The following FIGN variants were observed in gnomAD, a reference collection of about 807,000 sequenced individuals.
The protein encoded by FIGN is fidgetin.
Under a neutral mutation model 51.3 loss-of-function variants are expected in FIGN, and 11 were observed. The observed-to-expected ratio is 0.21, with a 90% confidence interval of 0.13 to 0.35. The LOEUF is 0.35. Ranked by LOEUF, FIGN falls within the 10% of genes least tolerant of loss-of-function variation. FIGN has a pLI of 1.00. For synonymous variants in FIGN, 407 were observed against 363.2 expected (o/e 1.12, Z -1.37); for missense variants, 857 against 943.6 (o/e 0.91, Z 1.20).
At chr2:163,731,866 C>T (rs988916273) in intron 2 of FIGN, among the ~76,000 whole-genome samples, 1 of 152,086 alleles carries the variant, frequency 6.6e-6, no homozygotes, top group Non-Finnish European at 1.5e-5. Context: ...CTTTATTACC[C>T]TGCTATGATT....
intron 2 of FIGN, among the ~76,000 whole-genome samples, chr2:163,626,837 G>T (rs1358459800): frequency 2.6e-5 from 4 of 152,142 alleles, no homozygotes; most frequent in Admixed American, 6.6e-5. Flanking sequence ...AACCGAGATA[G>T]TGACGAAAGT....
In FIGN at chr2:163,610,437, G is replaced by A. The variant is rs745572184; in HGVS notation, c.1395C>T (p.Asp465=). 6.2e-7 allele frequency: 1 copy of A among 1,614,144 alleles called. No individual in the cohort carries two copies. The highest frequency in any genetic ancestry group is 8.5e-7 in the Non-Finnish European group (1 of 1,180,036). Residue 465 remains aspartate, a synonymous_variant, in exon 3 of 3, where the codon GAC becomes GAT. Transcript: ENST00000333129. ...TGGTTACCAGGTCGATGAGGTGCGT[G>A]TCAGTATTCTTCAGTTGCTCGTCCA... ...HSVDEQLKNT[D]THLIDLVTNE...
At chr2:163,724,084 G>A (rs112362588) in intron 2 of FIGN, among the ~76,000 whole-genome samples, 17 of 152,156 alleles carry the variant, frequency 1.1e-4, no homozygotes, top group African/African-American at 2.2e-4. Context: ...AGTCATCATC[G>A]GATCACCTCA....
intron 2 of FIGN, among the ~76,000 whole-genome samples, chr2:163,659,350 C>T (rs910820175): frequency 6.6e-5 from 10 of 152,176 alleles, no homozygotes; most frequent in African/African-American, 2.4e-4. Flanking sequence ...ATATTCCTCT[C>T]AACTGCCAAC....
intron 2 of FIGN, among the ~76,000 whole-genome samples, chr2:163,683,364 T>G (rs190527643): frequency 2.5e-4 from 38 of 152,306 alleles, no homozygotes; most frequent in Middle Eastern, 3.4e-3. Context: ...AAATTGTTGT[T>G]TCAAAGATTG....
intron 2 of FIGN, among the ~76,000 whole-genome samples, chr2:163,719,480 G>A (rs2105361857): frequency 6.6e-6 from 1 of 152,256 alleles, no homozygotes; most frequent in Non-Finnish European, 1.5e-5. Context: ...ACAAAATGTT[G>A]GCTCCCTGTG....
At chr2:163,686,361 G>A (rs986101345) in intron 2 of FIGN, among the ~76,000 whole-genome samples, 1 of 152,164 alleles carries the variant, frequency 6.6e-6, no homozygotes, top group Admixed American at 6.5e-5. Flanking sequence ...TTGATTAAAT[G>A]TACACTTAAT....
intron 2 of FIGN, among the ~76,000 whole-genome samples, chr2:163,694,339 G>A (rs150188354): frequency 1.3e-5 from 2 of 152,256 alleles, no homozygotes; most frequent in Non-Finnish European, 2.9e-5. Context: ...TTTGGGAAAT[G>A]TGTACTATAA....
chr2:163,694,376 A>G lies in FIGN; in HGVS notation c.25+40527T>C, dbSNP rs529933740. ...CTCCTCTTCAATATTCATAATACCT[A>G]TTAGCATTCTAGGGGCTCTAAGAGG... On this transcript the variant is annotated intron_variant, in intron 2 of 2. Coordinates refer to ENST00000333129, the MANE Select transcript of FIGN (RefSeq NM_018086.4). Among the ~76,000 whole-genome samples, 4 of 152,306 alleles carry G rather than the reference A, an allele frequency of 2.6e-5. No homozygotes were observed. The East Asian group carries it at 7.7e-4, about 29-fold the overall frequency.
rs71297448 is a variant in FIGN, at chr2:163,629,952, C to CTTTTTTTTT, written c.26-18155_26-18147dup. 2.6e-4 allele frequency among the ~76,000 whole-genome samples: 15 copies of CTTTTTTTTT among 56,928 alleles called. 2 individuals carry two copies. The highest frequency in any genetic ancestry group is 1.0e-3 in the African/African-American group (14 of 13,352). 37.3% of individuals were successfully genotyped at this position (56,928 alleles called of 152,430 possible). A position where few individuals can be genotyped will look rare whatever the true frequency, so the allele number is the denominator to read the frequency against. ...CCAACATAGGGTGAAGAAAGGGGCACTTTTTTTTTTTTTTTTTTTTTTTTT... is the reference window on the plus strand; with the variant it reads ...CCAACATAGGGTGAAGAAAGGGGCACTTTTTTTTTTTTTTTTTTTTTTTTTTTTTTTTTT... On this transcript the variant is annotated intron_variant, in intron 2 of 2. Coordinates refer to ENST00000333129, the MANE Select transcript of FIGN (RefSeq NM_018086.4).
intron 2 of FIGN, among the ~76,000 whole-genome samples, chr2:163,649,629 T>G (rs945248141): frequency 6.6e-6 from 1 of 152,174 alleles, no homozygotes; most frequent in Non-Finnish European, 1.5e-5. Context: ...CCAGCCAACG[T>G]CATCTTGAGG....
chr2:163,613,491 C>T (rs554450799), intron 2 of FIGN, among the ~76,000 whole-genome samples: 1 of 152,182 alleles, frequency 6.6e-6, no homozygotes, highest in South Asian at 2.1e-4. Flanking sequence ...ATGGCCGGCT[C>T]TGACTTACTG....
At chr2:163,693,918 G>A (rs545203930) in intron 2 of FIGN, among the ~76,000 whole-genome samples, 63 of 152,092 alleles carry the variant, frequency 4.1e-4, no homozygotes, top group Non-Finnish European at 7.2e-4. Context: ...TTCCTTAGCT[G>A]TTCCGGAACT....
intron 2 of FIGN, among the ~76,000 whole-genome samples, chr2:163,687,922 A>C (rs568584270): frequency 1.3e-5 from 2 of 152,324 alleles, no homozygotes; most frequent in South Asian, 4.1e-4. Flanking sequence ...CTGACAGTTA[A>C]GCCAGGAGTT....
intron 2 of FIGN, among the ~76,000 whole-genome samples, chr2:163,668,019 C>G (rs1683810982): frequency 6.7e-6 from 1 of 149,056 alleles, no homozygotes; most frequent in Admixed American, 6.6e-5. Flanking sequence ...CTCCAACCCC[C>G]CCCCCCAAAA....
chr2:163,706,889 C>T (rs1684507908), intron 2 of FIGN, among the ~76,000 whole-genome samples: 1 of 152,060 alleles, frequency 6.6e-6, no homozygotes, highest in African/African-American at 2.4e-5. Context: ...AAAATTATGC[C>T]AGTATGACCA....
chr2:163,658,806 C>T (rs1035213810), intron 2 of FIGN, among the ~76,000 whole-genome samples: 1 of 152,188 alleles, frequency 6.6e-6, no homozygotes, highest in African/African-American at 2.4e-5. Context: ...TGCGATTAGG[C>T]AGGGCCAAAC....
At chr2:163,691,869 T>C (rs912280961) in intron 2 of FIGN, among the ~76,000 whole-genome samples, 1 of 152,142 alleles carries the variant, frequency 6.6e-6, no homozygotes, top group Non-Finnish European at 1.5e-5. Flanking sequence ...AACAAAATGT[T>C]CTGTCCAAAG....
chr2:163,710,312 T>A (rs1684567471), intron 2 of FIGN, among the ~76,000 whole-genome samples: 1 of 152,212 alleles, frequency 6.6e-6, no homozygotes, highest in Non-Finnish European at 1.5e-5. Flanking sequence ...AAGTAAGATT[T>A]AGCAAGGATA....
Sources: allele counts gnomAD v4.1 joint callset (sites outside exome capture counted in the v4.1 genomes callset), GRCh38; gene constraint gnomAD v4.1.1; transcripts MANE v1.5; gene names NCBI Gene and HGNC (gene_info 2026-07-23, HGNC 2026-07-21).